NAALADL2: variants seen among roughly 807,000 people sequenced by gnomAD.
NAALADL2 encodes N-acetylated alpha-linked acidic dipeptidase like 2, also known as inactive N-acetylated-alpha-linked acidic dipeptidase-like protein 2.
NAALADL2 carries 76 observed loss-of-function variants against 87.2 expected under a neutral mutation model. The ratio of observed to expected loss-of-function variants is 0.87; its 90% CI spans 0.72 to 1.05. The LOEUF is 1.05. Among genes scored for constraint, NAALADL2 ranks in the 50% least tolerant of loss-of-function variants. The pLI is 0.00. For synonymous variants in NAALADL2, 354 were observed against 331.0 expected, an observed-to-expected ratio of 1.07 and a Z score of -0.75; for missense variants, 1,089 against 945.8, an observed-to-expected ratio of 1.15 and a Z score of -1.99.
intron 4 of NAALADL2, among the ~76,000 whole-genome samples, chr3:175,322,034 A>C (rs1433638475): frequency 6.6e-6 from 1 of 151,982 alleles, no homozygotes; most frequent in East Asian, 1.9e-4. Flanking sequence ...CACCAAGTCA[A>C]TCCGAAGCCA....
At chr3:174,944,651 G>T (rs573743037) in intron 1 of NAALADL2, among the ~76,000 whole-genome samples, 1 of 152,122 alleles carries the variant, frequency 6.6e-6, no homozygotes, top group Non-Finnish European at 1.5e-5. Flanking sequence ...GGAAGCTCAG[G>T]TATCTAAGGC....
intron 2 of NAALADL2, among the ~76,000 whole-genome samples, chr3:175,214,975 A>G (rs1254140015): frequency 1.3e-5 from 2 of 152,128 alleles, no homozygotes; most frequent in South Asian, 2.1e-4. Context: ...AATTCACTAC[A>G]TGTTTATGGT....
rs1755034651 is a variant in NAALADL2, at chr3:175,809,867, T to G, written c.*6664T>G. 1.3e-5 allele frequency: 2 copies of G among 152,040 alleles called. No individual in the cohort carries two copies. Among genetic ancestry groups the G allele is most frequent in the Non-Finnish European group, 2.9e-5 (2 of 67,972 alleles). 9.4% of individuals were successfully genotyped at this position (152,040 alleles called of 1,614,324 possible). On this transcript the variant is annotated 3_prime_UTR_variant, in exon 14 of 14. Coordinates refer to ENST00000454872, the MANE Select transcript of NAALADL2 (RefSeq NM_207015.3). ...TGGTATAACATTTAAAACACAGCCT[T>G]AAAATGAAGAATAGGGATGAGCAGG...
chr3:175,460,505 T>C (rs143432634), intron 6 of NAALADL2, among the ~76,000 whole-genome samples: 325 of 152,286 alleles, frequency 2.1e-3, no homozygotes, highest in African/African-American at 7.6e-3. Context: ...ATTAGGTTTA[T>C]TTTCTTTGAC....
At chr3:174,787,113 T>C (rs1004863526) in intron 3 of NAALADL2, among the ~76,000 whole-genome samples, 3 of 151,954 alleles carry the variant, frequency 2.0e-5, no homozygotes, top group African/African-American at 7.2e-5. Context: ...TTTACAGACA[T>C]ATGAAGTGAA....
chr3:175,648,046 C>T (rs75440107), intron 11 of NAALADL2, among the ~76,000 whole-genome samples: 4,319 of 152,278 alleles, frequency 0.028, 206 homozygotes, highest in African/African-American at 0.098. Context: ...CATTCTGTCT[C>T]GTGCCAGCTT....
At chr3:175,432,219 T>C (rs1213092815) in intron 5 of NAALADL2, among the ~76,000 whole-genome samples, 1 of 151,974 alleles carries the variant, frequency 6.6e-6, no homozygotes, top group African/African-American at 2.4e-5. Context: ...GACCCTCATA[T>C]ATAAAGTGTA....
intron 10 of NAALADL2, among the ~76,000 whole-genome samples, chr3:175,585,087 G>A (rs1720349721): frequency 6.6e-6 from 1 of 151,488 alleles, no homozygotes; most frequent in Admixed American, 6.6e-5. Context: ...TAGAGCTGTA[G>A]AAAAATATTT....
chr3:175,553,799 A>G (rs777549848), intron 9 of NAALADL2, among the ~76,000 whole-genome samples: 5 of 152,132 alleles, frequency 3.3e-5, no homozygotes, highest in South Asian at 2.1e-4. Flanking sequence ...GGATGTTTAT[A>G]TTTAAAACAT....
At chr3:175,593,919 T>G (rs1721883908) in intron 10 of NAALADL2, among the ~76,000 whole-genome samples, 1 of 152,134 alleles carries the variant, frequency 6.6e-6, no homozygotes, top group Admixed American at 6.6e-5. Flanking sequence ...ACCACCTTTA[T>G]GTGGACTGCA....
rs141437405 is a variant in NAALADL2 at position 174,633,566 on chromosome 3, G to T, written c.-115+82929G>T. Among the ~76,000 whole-genome samples the T allele has an allele frequency of 3.0e-4, 45 of 152,304 alleles. No individual in the cohort carries two copies. The East Asian group carries it at 7.3e-3, about 25-fold the overall frequency. On this transcript the variant is annotated intron_variant, in intron 2 of 3. Coordinates refer to the NAALADL2 transcript ENST00000434257. ...GAACAGGAGAAAACAGTTTTTTAAT[G>T]CCTTGTGCTTAAACTGTCACTCTGC...
At chr3:175,155,148 T>C (rs539318281) in intron 2 of NAALADL2, among the ~76,000 whole-genome samples, 3 of 152,114 alleles carry the variant, frequency 2.0e-5, no homozygotes, top group Non-Finnish European at 4.4e-5. Flanking sequence ...TGACAAAGCA[T>C]AGGATGCCTG....
At position 174,608,246 on chromosome 3, in the gene NAALADL2, A is replaced by C. The variant is rs901993943; in HGVS notation, c.-115+57609A>C. Among the ~76,000 whole-genome samples, 23 of 152,248 alleles carry C rather than the reference A, an allele frequency of 1.5e-4. 1 individual carries two copies. The highest frequency in any genetic ancestry group is 1.2e-3 in the Admixed American group (19 of 15,292). On this transcript the variant is annotated intron_variant, in intron 2 of 3. Coordinates refer to the NAALADL2 transcript ENST00000434257. ...TACAAAATTGACACCCTAACATCAC[A>C]ATTAAAAGAACTAGAAAAGCAAGAG... is the stretch of plus-strand genomic sequence containing the variant.
At chr3:174,932,276 G>T (rs1376895265) in intron 1 of NAALADL2, among the ~76,000 whole-genome samples, 5 of 152,102 alleles carry the variant, frequency 3.3e-5, no homozygotes, top group Non-Finnish European at 7.3e-5. Context: ...TCAAAACAAA[G>T]AAACTGCTCA....
rs919728397 is a variant in NAALADL2 at position 174,610,082 on chromosome 3, A to G, written c.-115+59445A>G. On this transcript the variant is annotated intron_variant, in intron 2 of 3. Transcript: ENST00000434257. ...ATGGGGAAAGGATTCCCTATTTAATAAATGGTGCTGGGAAAACTGGCTAGC... is the reference window on the plus strand; with the variant it reads ...ATGGGGAAAGGATTCCCTATTTAATGAATGGTGCTGGGAAAACTGGCTAGC... 7.9e-5 allele frequency among the ~76,000 whole-genome samples: 12 copies of G among 151,854 alleles called. 1 individual carries two copies. In the South Asian group the frequency reaches 2.5e-3, roughly 32 times the overall value.
At position 174,586,296 on chromosome 3, in the gene NAALADL2, A is replaced by AT. The variant is rs576440939; in HGVS notation, c.-115+35667dup. 6.4e-3 allele frequency among the ~76,000 whole-genome samples: 975 copies of AT among 152,102 alleles called. 9 individuals carry two copies. Among genetic ancestry groups the AT allele is most frequent in the African/African-American group, 0.022 (911 of 41,498 alleles). ...TTTAGCCTCCCTAGTGGTATACATT[A>AT]TTTTTTTTATTTTTAAAAATACGAT... On this transcript the variant is annotated intron_variant, in intron 2 of 3. Coordinates refer to the NAALADL2 transcript ENST00000434257.
At position 174,808,359 on chromosome 3, in the gene NAALADL2, A is replaced by G. The variant is rs769170738; in HGVS notation, c.-9+70613A>G. Among the ~76,000 whole-genome samples the G allele has an allele frequency of 5.1e-4, 78 of 152,290 alleles. 1 individual carries two copies. The highest frequency in any genetic ancestry group is 1.2e-3 in the South Asian group (6 of 4,822). On this transcript the variant is annotated intron_variant, in intron 3 of 3. Coordinates refer to the NAALADL2 transcript ENST00000434257. Reference sequence around the variant, plus strand: ...TCAGTTCCACTAGTGGGTTATGCCCAGATGAAAATGGTCAAATGTAGCAAA... The same window carrying G: ...TCAGTTCCACTAGTGGGTTATGCCCGGATGAAAATGGTCAAATGTAGCAAA...
At chr3:174,982,884 G>A (rs1168361529) in intron 1 of NAALADL2, among the ~76,000 whole-genome samples, 4 of 152,018 alleles carry the variant, frequency 2.6e-5, no homozygotes, top group South Asian at 4.2e-4. Context: ...TGCAAGCTCC[G>A]CCTCCTGGGT....
intron 3 of NAALADL2, among the ~76,000 whole-genome samples, chr3:174,838,036 A>G (rs867324058): frequency 7.9e-5 from 9 of 113,744 alleles, no homozygotes; most frequent in Non-Finnish European, 1.3e-4. Context: ...AAAAAAAAAA[A>G]GAAAAAAAAA....
Sources: allele counts gnomAD v4.1 joint callset (sites outside exome capture counted in the v4.1 genomes callset), GRCh38; gene constraint gnomAD v4.1.1; transcripts MANE v1.5; gene names NCBI Gene and HGNC (gene_info 2026-07-23, HGNC 2026-07-21).